ADGRF5: variants seen among roughly 807,000 people sequenced by gnomAD.
ADGRF5 encodes adhesion G protein-coupled receptor F5.
In ADGRF5, 75 loss-of-function variants were observed where a neutral mutation model predicts 132.3. The ratio of observed to expected loss-of-function variants is 0.57; its 90% CI spans 0.47 to 0.69. The LOEUF (loss-of-function observed/expected upper bound fraction) is 0.69. Among genes scored for constraint, ADGRF5 ranks in the 30% least tolerant of loss-of-function variants. The probability of loss-of-function intolerance (pLI) is 0.00; values close to 1 mark genes in which losing one functional copy is unlikely to be tolerated. For synonymous variants in ADGRF5, 629 were observed against 597.6 expected (o/e 1.05, Z -0.77); for missense variants, 1,516 against 1,630.6 (o/e 0.93, Z 1.21).
At chr6:46,894,074 G>A (rs1010178545) in intron 3 of ADGRF5, among the ~76,000 whole-genome samples, 1 of 152,224 alleles carries the variant, frequency 6.6e-6, no homozygotes. Context: ...TCACCCAGGA[G>A]AAAAGAGATT....
Position 46,871,777 on chromosome 6 carries a change from A to G in ADGRF5, c.1411+66T>C, listed in dbSNP as rs1205854144. On this transcript the variant is annotated intron_variant, in intron 11 of 20. Transcript: ENST00000283296. ...TCATAGATATTTCCATAGCTCACAG[A>G]TCACTGGCAGCACTTATTTAAGGTG... The G allele has an allele frequency of 2.7e-6, 3 of 1,126,568 alleles. No individual in the cohort carries two copies. In the African/African-American group the frequency reaches 4.6e-5, roughly 17 times the overall value. The allele number at this position is 1,126,568 out of a possible 1,614,324, so 69.8% of individuals were successfully genotyped here.
chr6:46,945,614 G>A (rs777062786), intron 1 of ADGRF5, among the ~76,000 whole-genome samples: 2 of 152,248 alleles, frequency 1.3e-5, no homozygotes, highest in Non-Finnish European at 2.9e-5. Context: ...AAAGCACTTA[G>A]CAGGGAGATC....
chr6:46,943,307 T>G (rs923095520), intron 1 of ADGRF5, among the ~76,000 whole-genome samples: 2 of 152,226 alleles, frequency 1.3e-5, no homozygotes, highest in African/African-American at 4.8e-5. Flanking sequence ...TGTTGGCAGT[T>G]TGGTTACAGA....
At chr6:46,928,440 T>G (rs1777365767) in intron 1 of ADGRF5, among the ~76,000 whole-genome samples, 1 of 152,194 alleles carries the variant, frequency 6.6e-6, no homozygotes. Flanking sequence ...AAGTTGTGAC[T>G]GGAAGGGTGG....
intron 1 of ADGRF5, among the ~76,000 whole-genome samples, chr6:46,942,429 A>G (rs1235468618): frequency 1.3e-5 from 2 of 152,248 alleles, no homozygotes; most frequent in Admixed American, 6.5e-5. Flanking sequence ...GGGCTATGGC[A>G]TGAGGCTCTT....
chr6:46,889,944 G>T (rs550342929), intron 3 of ADGRF5, among the ~76,000 whole-genome samples: 11 of 151,672 alleles, frequency 7.3e-5, no homozygotes, highest in Non-Finnish European at 1.2e-4. Context: ...AATAAATGAC[G>T]AATCAATTCT....
chr6:46,883,931 AG>A (rs1184672194), intron 5 of ADGRF5, among the ~76,000 whole-genome samples, 163 bp downstream of exon 5: 1 of 152,178 alleles, frequency 6.6e-6, no homozygotes, highest in Non-Finnish European at 1.5e-5. Flanking sequence ...TAGTAGAGGC[AG>A]GGTTTCACCA....
chr6:46,871,704 A>T (rs909273475), intron 11 of ADGRF5, 139 bp downstream of exon 11: 1 of 502,410 alleles, frequency 2.0e-6, no homozygotes, highest in Non-Finnish European at 3.6e-6. Flanking sequence ...TCTATCTCCC[A>T]TTGTGTGATT....
At chr6:46,906,000 A>G (rs2207700) in intron 2 of ADGRF5, among the ~76,000 whole-genome samples, 4,909 of 152,306 alleles carry the variant, frequency 0.032, 114 homozygotes, top group African/African-American at 0.057. Flanking sequence ...ATTCCCAACC[A>G]GTAACATGCC....
chr6:46,936,531 C>T (rs749877213), intron 1 of ADGRF5, among the ~76,000 whole-genome samples: 4 of 152,190 alleles, frequency 2.6e-5, no homozygotes, highest in African/African-American at 7.2e-5. Context: ...AATCTTTCGA[C>T]ATCTCTCTCT....
chr6:46,878,258 C>A lies in ADGRF5; in HGVS notation c.1184G>T (p.Gly395Val), dbSNP rs1772035909. 1.2e-6 allele frequency: 2 copies of A among 1,613,804 alleles called. No individual in the cohort carries two copies. The highest frequency in any genetic ancestry group is 1.3e-5 in the African/African-American group (1 of 75,014). ...NPVSLNCCSQ[G>V]NVNWSKVEWK... ...TTCTACTTTGCTCCAATTAACATTACCCTGACTGCAGCAGTTCAAAGATAC... is the reference window on the plus strand; with the variant it reads ...TTCTACTTTGCTCCAATTAACATTAACCTGACTGCAGCAGTTCAAAGATAC... Residue 395 changes from glycine (G) to valine (V), a missense_variant, in exon 10 of 21, where the codon GGT becomes GTT. By Grantham distance (109) the Gly-to-Val change is moderately radical. Coordinates refer to ENST00000283296, the MANE Select transcript of ADGRF5 (RefSeq NM_001098518.2).
intron 1 of ADGRF5, among the ~76,000 whole-genome samples, chr6:46,920,981 C>T (rs1249315729): frequency 3.3e-5 from 5 of 152,114 alleles, no homozygotes; most frequent in African/African-American, 1.2e-4. Flanking sequence ...CTACGTTAGC[C>T]CTTTATGAAA....
chr6:46,945,863 C>T (rs1370811890), intron 1 of ADGRF5, among the ~76,000 whole-genome samples: 1 of 152,176 alleles, frequency 6.6e-6, no homozygotes, highest in Non-Finnish European at 1.5e-5. Flanking sequence ...TCATGTCTTA[C>T]ATGGTGGCAG....
chr6:46,858,570 C>T lies in ADGRF5; in HGVS notation c.3333G>A (p.Leu1111=), dbSNP rs371793883. The change falls in exon 17 of 21, where the codon CTG becomes CTA. Residue 1111 remains leucine (L), a synonymous_variant. Transcript: ENST00000283296. The stretch of plus-strand genomic sequence containing the variant: ...GCAGAATGAAAACCAGGCGATAGAA[C>T]AGCATGAGGCCCAGTGTCAGCATCC... ...FFWMLTLGLM[L]FYRLVFILHE... The T allele has an allele frequency of 9.0e-5, 145 of 1,613,804 alleles. No individual in the cohort carries two copies. Among genetic ancestry groups the T allele is most frequent in the Admixed American group, 1.8e-4 (11 of 59,984 alleles).
At chr6:46,893,058 A>T (rs368253803) in intron 3 of ADGRF5, among the ~76,000 whole-genome samples, 24 of 86,716 alleles carry the variant, frequency 2.8e-4, no homozygotes, top group South Asian at 5.5e-4. Flanking sequence ...GACAACAGGG[A>T]TTTTTTTTTT....
In ADGRF5 at chr6:46,858,648, G is replaced by A; in HGVS notation, c.3255C>T (p.Ala1085=). ...QDNRYILCKT[A]CVAATFFIHF... ...GGATGAAGAAGGTGGCAGCCACACAGGCTGTCTTGCAGAGTATGTAGCGAT... is the reference window on the plus strand; with the variant it reads ...GGATGAAGAAGGTGGCAGCCACACAAGCTGTCTTGCAGAGTATGTAGCGAT... Residue 1085 remains alanine, a synonymous_variant, in exon 17 of 21, where the codon GCC becomes GCT. Transcript: ENST00000283296. 1 of 1,614,182 alleles carries A rather than the reference G, an allele frequency of 6.2e-7. No individual in the cohort carries two copies. Among genetic ancestry groups the A allele is most frequent in the Non-Finnish European group, 8.5e-7 (1 of 1,180,036 alleles).
rs574819873 is a variant in ADGRF5 at position 46,921,611 on chromosome 6, C to T, written c.-25+102G>A. 7 of 152,330 alleles carry T rather than the reference C, an allele frequency of 4.6e-5. No individual in the cohort carries two copies. In the East Asian group the frequency reaches 1.4e-3, roughly 29 times the overall value. 9.4% of individuals were successfully genotyped at this position (152,330 alleles called of 1,614,324 possible). On this transcript the variant is annotated intron_variant, in intron 1 of 20. Transcript: ENST00000283296. ...CAAAAGAAAAGCAGGCAAAGAGGAT[C>T]GTAAGTGGAAGATGTCTTAAGAGAA...
chr6:46,909,416 G>GTAT (rs1775713110), intron 1 of ADGRF5, among the ~76,000 whole-genome samples: 1 of 152,218 alleles, frequency 6.6e-6, no homozygotes, highest in African/African-American at 2.4e-5. Context: ...CTAGCCCTCA[G>GTAT]TATTAGCCTT....
At chr6:46,926,990 C>T (rs1419099908) in intron 1 of ADGRF5, among the ~76,000 whole-genome samples, 1 of 152,134 alleles carries the variant, frequency 6.6e-6, no homozygotes, top group East Asian at 1.9e-4. Flanking sequence ...CCATATACTG[C>T]AGTAACAGCG....
Sources: gnomAD v4.1 joint callset for allele counts (sites outside exome capture counted in the v4.1 genomes callset) on GRCh38, gnomAD v4.1.1 for gene constraint, MANE v1.5 for transcripts, NCBI Gene and HGNC (gene_info 2026-07-23, HGNC 2026-07-21) for gene names.